The following PDLIM1 variants were observed in gnomAD, a reference collection of about 807,000 sequenced individuals.
The protein encoded by PDLIM1 is PDZ and LIM domain 1, also known as PDZ and LIM domain protein 1.
A neutral mutation model predicts 35.2 loss-of-function variants in PDLIM1; 25 were observed. The ratio of observed to expected loss-of-function variants is 0.71; its 90% CI spans 0.52 to 0.99. The LOEUF (loss-of-function observed/expected upper bound fraction) is 0.99. Ranked by LOEUF, PDLIM1 falls within the 50% of genes least tolerant of loss-of-function variation. The probability of loss-of-function intolerance (pLI) is 0.00; values close to 1 mark genes in which losing one functional copy is unlikely to be tolerated. For synonymous variants in PDLIM1, 152 were observed against 154.0 expected (o/e 0.99, Z 0.10); for missense variants, 363 against 415.3 (o/e 0.87, Z 1.09).
chr10:95,271,733 T>G lies in PDLIM1; in HGVS notation c.148A>C (p.Ile50Leu). 6.2e-7 allele frequency: 1 copy of G among 1,613,186 alleles called. No individual in the cohort carries two copies. Residue 50 changes from isoleucine (I) to leucine (L), a missense_variant, in exon 2 of 7, where the codon ATC becomes CTC. By Grantham distance (5) the Ile-to-Leu change is conservative (BLOSUM62 2). Coordinates refer to ENST00000329399, the MANE Select transcript of PDLIM1 (RefSeq NM_020992.4). ...GTATTTTCCCCATCAATGGCTGTGA[T>G]TACATCTCCAATACATAAATTAGCT... is the stretch of plus-strand genomic sequence containing the variant. Reference protein sequence around the residue: ...ALANLCIGDVITAIDGENTSN... With the variant: ...ALANLCIGDVLTAIDGENTSN...
intron 1 of PDLIM1, among the ~76,000 whole-genome samples, chr10:95,285,062 C>T (rs2035591278): frequency 6.6e-6 from 1 of 152,184 alleles, no homozygotes; most frequent in South Asian, 2.1e-4. Context: ...TCTTCATCTA[C>T]CACAAGAACC....
chr10:95,238,764 T>C lies in PDLIM1; in HGVS notation c.686-79A>G. ...TCACTCAGCTCTTCAGAACCACTTA[T>C]AAATATATGTTCAAGCAAGGCCATG... On this transcript the variant is annotated intron_variant, in intron 5 of 6. Coordinates refer to ENST00000329399, the MANE Select transcript of PDLIM1 (RefSeq NM_020992.4). 3.5e-6 allele frequency: 3 copies of C among 859,708 alleles called. No individual in the cohort carries two copies. The South Asian group carries it at 4.2e-5, about 12-fold the overall frequency. 53.3% of individuals were successfully genotyped at this position (859,708 alleles called of 1,614,324 possible).
chr10:95,276,622 T>C (rs2035513609), intron 1 of PDLIM1, among the ~76,000 whole-genome samples: 1 of 152,140 alleles, frequency 6.6e-6, no homozygotes, highest in African/African-American at 2.4e-5. Context: ...AGCGTTTAGG[T>C]ACCAAGCATG....
chr10:95,250,954 C>G (rs1396078655), intron 4 of PDLIM1, among the ~76,000 whole-genome samples: 1 of 152,212 alleles, frequency 6.6e-6, no homozygotes, highest in Non-Finnish European at 1.5e-5. Context: ...AGATGGCTGA[C>G]ACAGCCAGGC....
chr10:95,260,508 T>C (rs1013500240), intron 4 of PDLIM1, among the ~76,000 whole-genome samples: 3 of 152,056 alleles, frequency 2.0e-5, no homozygotes, highest in Admixed American at 6.6e-5. Context: ...TGAACTGACC[T>C]AGAGGAAAAA....
At chr10:95,270,757 A>ATT (rs796797386) in intron 2 of PDLIM1, among the ~76,000 whole-genome samples, 65 of 146,810 alleles carry the variant, frequency 4.4e-4, no homozygotes, top group African/African-American at 1.6e-3. Flanking sequence ...TCCTAAGGAC[A>ATT]TTTTTTTTTT....
chr10:95,264,433 G>T (rs2035395231), intron 3 of PDLIM1, among the ~76,000 whole-genome samples: 1 of 152,184 alleles, frequency 6.6e-6, no homozygotes, highest in South Asian at 2.1e-4. Context: ...AGAGATTAAA[G>T]CACTAGGTGA....
In PDLIM1 at chr10:95,290,780, C is replaced by T. The variant is rs1337435191; in HGVS notation, c.96+40G>A. On this transcript the variant is annotated intron_variant, in intron 1 of 6. Transcript: ENST00000329399. This position sits in a 1 kb window ranked among gnomAD's most constrained non-coding sequence, Gnocchi z 4.7. The stretch of plus-strand genomic sequence containing the variant: ...GCCCCAGTCTCCGCATATCACCTCC[C>T]ATAGCGCCCCGCTTCCACGCACGTC... 4 of 1,422,160 alleles carry T rather than the reference C, an allele frequency of 2.8e-6. No homozygotes were observed. In the South Asian group the frequency reaches 5.2e-5, roughly 18 times the overall value. 88.1% of individuals were successfully genotyped at this position (1,422,160 alleles called of 1,614,324 possible).
intron 1 of PDLIM1, among the ~76,000 whole-genome samples, chr10:95,275,747 A>C (rs912149796): frequency 2.0e-5 from 3 of 152,228 alleles, no homozygotes; most frequent in African/African-American, 7.2e-5. Flanking sequence ...CAGAATGTCC[A>C]GCATTTGGTT....
intron 4 of PDLIM1, among the ~76,000 whole-genome samples, chr10:95,256,055 T>C (rs913800475): frequency 2.6e-5 from 4 of 152,174 alleles, no homozygotes; most frequent in African/African-American, 9.7e-5. Flanking sequence ...AACAATCTTG[T>C]GTAATCATCA....
At chr10:95,262,783 T>C (rs897850253) in intron 4 of PDLIM1, among the ~76,000 whole-genome samples, 7 of 152,190 alleles carry the variant, frequency 4.6e-5, no homozygotes, top group Admixed American at 6.5e-5. Flanking sequence ...TGTTTCTGGA[T>C]TCATCCTCAA....
At chr10:95,279,785 ATTC>A (rs1728621201) in intron 1 of PDLIM1, among the ~76,000 whole-genome samples, 1 of 152,228 alleles carries the variant, frequency 6.6e-6, no homozygotes, top group African/African-American at 2.4e-5. Context: ...GCCAAGCAAC[ATTC>A]TTATTTAATT....
chr10:95,288,611 C>A (rs538687599), intron 1 of PDLIM1, among the ~76,000 whole-genome samples: 1 of 152,072 alleles, frequency 6.6e-6, no homozygotes, highest in African/African-American at 2.4e-5. Context: ...ACAGCTCAAG[C>A]AAGAAGACAC....
At chr10:95,242,848 G>A (rs896807709) in intron 5 of PDLIM1, among the ~76,000 whole-genome samples, 3 of 152,126 alleles carry the variant, frequency 2.0e-5, no homozygotes, top group African/African-American at 7.2e-5. Flanking sequence ...AAGCCATCTG[G>A]CTGCCTGCCC....
chr10:95,262,441 A>T (rs1300735642), intron 4 of PDLIM1, among the ~76,000 whole-genome samples: 4 of 152,182 alleles, frequency 2.6e-5, no homozygotes, highest in Non-Finnish European at 4.4e-5. Context: ...TGTCACCAAT[A>T]ATTAAAAATC....
chr10:95,280,116 C>T (rs2035548116), intron 1 of PDLIM1, among the ~76,000 whole-genome samples: 1 of 152,182 alleles, frequency 6.6e-6, no homozygotes. Flanking sequence ...TGGCTCACAC[C>T]TGTAATCCCA....
chr10:95,266,111 C>T (rs1329941741), intron 3 of PDLIM1, among the ~76,000 whole-genome samples: 1 of 151,718 alleles, frequency 6.6e-6, no homozygotes, highest in African/African-American at 2.4e-5. Flanking sequence ...GCAAGAAAAT[C>T]ACTTGAACTC....
At chr10:95,288,242 C>A (rs1434620613) in intron 1 of PDLIM1, among the ~76,000 whole-genome samples, 1 of 152,134 alleles carries the variant, frequency 6.6e-6, no homozygotes, top group Admixed American at 6.5e-5. Flanking sequence ...GAAGCTTTAG[C>A]AGTTTAGCAA....
intron 1 of PDLIM1, among the ~76,000 whole-genome samples, chr10:95,274,193 C>T (rs1240300636): frequency 6.6e-6 from 1 of 152,076 alleles, no homozygotes; most frequent in Non-Finnish European, 1.5e-5. Flanking sequence ...TTTACCTCTG[C>T]CTGATTAACT....
Sources: allele counts gnomAD v4.1 joint callset (sites outside exome capture counted in the v4.1 genomes callset), GRCh38; gene constraint gnomAD v4.1.1; non-coding constraint Gnocchi (gnomAD v3.1); transcripts MANE v1.5; gene names NCBI Gene and HGNC (gene_info 2026-07-23, HGNC 2026-07-21).